The following PIGU variants were observed in gnomAD, a reference collection of about 807,000 sequenced individuals.
PIGU encodes the protein phosphatidylinositol glycan anchor biosynthesis class U.
Under a neutral mutation model 49.9 loss-of-function variants are expected in PIGU, and 24 were observed. That is an observed-to-expected ratio of 0.48 (90% CI 0.35 to 0.68). PIGU has a LOEUF of 0.68. Ranked by LOEUF, PIGU falls within the 30% of genes least tolerant of loss-of-function variation. The pLI is 0.01. For missense variants in PIGU, 490 were observed against 532.6 expected (o/e 0.92, Z 0.79); for synonymous variants, 220 against 205.7 (o/e 1.07, Z -0.59).
chr20:34,616,373 C>T (rs1220933593), intron 6 of PIGU, among the ~76,000 whole-genome samples: 1 of 152,170 alleles, frequency 6.6e-6, no homozygotes, highest in Non-Finnish European at 1.5e-5. Context: ...TGAGACACTA[C>T]AGGCATAATT....
At position 34,655,719 on chromosome 20, in the gene PIGU, G is replaced by A. The variant is rs1986679813; in HGVS notation, c.195+1461C>T. 1.6e-5 allele frequency among the ~76,000 whole-genome samples: 2 copies of A among 121,430 alleles called. 1 individual carries two copies. The highest frequency in any genetic ancestry group is 3.5e-5 in the Non-Finnish European group (2 of 56,726). The allele number at this position is 121,430 out of a possible 152,430, so 79.7% of individuals were successfully genotyped here. On this transcript the variant is annotated intron_variant, in intron 2 of 11. Coordinates refer to ENST00000217446, the MANE Select transcript of PIGU (RefSeq NM_080476.5). The stretch of plus-strand genomic sequence containing the variant: ...AAAGGGCAGTGGAAAGAAATGTGAT[G>A]GATGTGGTGAGGAGGGTCTTCAGGG...
intron 1 of PIGU, among the ~76,000 whole-genome samples, chr20:34,671,189 A>C (rs372543225): frequency 2.9e-4 from 44 of 152,352 alleles, no homozygotes; most frequent in Middle Eastern, 3.4e-3. Flanking sequence ...AAATTAGTGC[A>C]TTAACACACC....
intron 7 of PIGU, among the ~76,000 whole-genome samples, chr20:34,608,948 T>C (rs538079970): frequency 1.3e-5 from 2 of 152,240 alleles, no homozygotes; most frequent in South Asian, 2.1e-4. Context: ...AACTCAACTC[T>C]AAAGGGTCCA....
chr20:34,647,161 G>A (rs776671856), intron 2 of PIGU, among the ~76,000 whole-genome samples: 4 of 151,554 alleles, frequency 2.6e-5, no homozygotes, highest in Non-Finnish European at 4.4e-5. Flanking sequence ...AGTAGAGATG[G>A]GGTTTCTCCA....
chr20:34,666,525 A>ATTT (rs1568666733), intron 1 of PIGU, among the ~76,000 whole-genome samples: 13 of 146,016 alleles, frequency 8.9e-5, no homozygotes, highest in East Asian at 2.0e-4. Context: ...TTAATTAATT[A>ATTT]ATTTATTTAT....
rs78508854 is a variant in PIGU, at chr20:34,642,400, G to C, written c.318+1764C>G. ...AATTTTTTAAAGAATTTTTTGTAGAGACAGGGTCCCACTATATTGCCCAGG... is the reference window on the plus strand; with the variant it reads ...AATTTTTTAAAGAATTTTTTGTAGACACAGGGTCCCACTATATTGCCCAGG... On this transcript the variant is annotated intron_variant, in intron 4 of 11. Transcript: ENST00000217446. Among the ~76,000 whole-genome samples the C allele has an allele frequency of 1.3e-3, 197 of 151,966 alleles. 1 individual carries two copies. The highest frequency in any genetic ancestry group is 2.3e-3 in the Non-Finnish European group (157 of 67,960).
In PIGU at chr20:34,644,103, AT is replaced by A. The variant is rs561405562; in HGVS notation, c.318+60del. On this transcript the variant is annotated intron_variant, in intron 4 of 11. Transcript: ENST00000217446. ...GATCCTTAAGTATAAGATCTTTGTA[AT>A]AACAAAGACCAGAAGGTTACCAAAT... is the stretch of plus-strand genomic sequence containing the variant. The A allele has an allele frequency of 1.6e-3, 2,288 of 1,424,740 alleles. 42 individuals carry two copies. The African/African-American group carries it at 0.03, about 18-fold the overall frequency. 88.3% of individuals were successfully genotyped at this position (1,424,740 alleles called of 1,614,324 possible).
At chr20:34,647,607 A>G (rs887321376) in intron 2 of PIGU, among the ~76,000 whole-genome samples, 5 of 151,768 alleles carry the variant, frequency 3.3e-5, no homozygotes, top group African/African-American at 9.7e-5. Context: ...TAGTTTCACT[A>G]TGTTGGCCAG....
chr20:34,623,555 C>G (rs548011099), intron 6 of PIGU, among the ~76,000 whole-genome samples: 1 of 152,242 alleles, frequency 6.6e-6, no homozygotes, highest in East Asian at 1.9e-4. Flanking sequence ...GGTCACGAAA[C>G]TAGTGAATGA....
chr20:34,596,433 C>T (rs1984202088), intron 7 of PIGU, among the ~76,000 whole-genome samples: 1 of 152,100 alleles, frequency 6.6e-6, no homozygotes, highest in African/African-American at 2.4e-5. Flanking sequence ...GTTAATAATG[C>T]TGCATAAATA....
At chr20:34,656,534 G>A (rs576647494) in intron 2 of PIGU, among the ~76,000 whole-genome samples, 21 of 151,778 alleles carry the variant, frequency 1.4e-4, no homozygotes, top group South Asian at 2.1e-4. Context: ...CGCCCACTTC[G>A]GCCTCCCAAA....
intron 8 of PIGU, among the ~76,000 whole-genome samples, chr20:34,587,372 A>G (rs574841911): frequency 6.6e-6 from 1 of 152,322 alleles, no homozygotes; most frequent in East Asian, 1.9e-4. Context: ...AACTGACAAC[A>G]TATAGTTGTA....
chr20:34,604,958 C>T (rs182921965), intron 7 of PIGU, among the ~76,000 whole-genome samples: 1 of 152,108 alleles, frequency 6.6e-6, no homozygotes, highest in Non-Finnish European at 1.5e-5. Context: ...GAATCCCAAG[C>T]AAAAGGAAGA....
intron 10 of PIGU, among the ~76,000 whole-genome samples, chr20:34,575,612 C>G (rs1197349243): frequency 3.3e-5 from 5 of 152,150 alleles, no homozygotes; most frequent in African/African-American, 1.2e-4. Flanking sequence ...TCTCCCCAAG[C>G]AGGGTGCCAT....
chr20:34,673,179 G>A (rs188486614), intron 1 of PIGU, among the ~76,000 whole-genome samples: 11 of 150,958 alleles, frequency 7.3e-5, no homozygotes, highest in Admixed American at 4.6e-4. Flanking sequence ...GCGTAAACCC[G>A]GGAGGCGGAG....
At position 34,637,897 on chromosome 20, in the gene PIGU, A is replaced by T; in HGVS notation, c.407T>A (p.Ile136Asn). The T allele has an allele frequency of 1.9e-6, 3 of 1,610,916 alleles. No individual in the cohort carries two copies. Among genetic ancestry groups the T allele is most frequent in the Non-Finnish European group, 2.5e-6 (3 of 1,178,668 alleles). ...LIRTPMEMRYIPLKVALFYLL... is the reference protein window; with the variant it reads ...LIRTPMEMRYNPLKVALFYLL... Reference sequence around the variant, plus strand: ...TTACAACAGGGCCACTTTCAAAGGGATGTAACGCATTTCCATAGGGGTCCG... The same window carrying T: ...TTACAACAGGGCCACTTTCAAAGGGTTGTAACGCATTTCCATAGGGGTCCG... Residue 136 changes from isoleucine to asparagine, a missense_variant, in exon 5 of 12, where the codon ATC becomes AAC. Transcript: ENST00000217446.
At position 34,657,219 on chromosome 20, in the gene PIGU, G is replaced by A. The variant is rs755226683; in HGVS notation, c.156C>T (p.Asp52=). Residue 52 remains aspartate (D), a synonymous_variant, in exon 2 of 12, where the codon GAC becomes GAT. Coordinates refer to ENST00000217446, the MANE Select transcript of PIGU (RefSeq NM_080476.5). The part of the protein sequence containing the change: ...KRVVEGLSLL[D]LGVSPYSGAV... ...CTCCAGAATACGGAGATACTCCCAA[G>A]TCCAACAGTGAAAGGCCTTCAACCA... 6.2e-7 allele frequency: 1 copy of A among 1,613,004 alleles called. No individual in the cohort carries two copies. Among genetic ancestry groups the A allele is most frequent in the Non-Finnish European group, 8.5e-7 (1 of 1,179,002 alleles).
chr20:34,562,395 T>C, intron 11 of PIGU: 1 of 1,275,130 alleles, frequency 7.8e-7, no homozygotes, highest in Middle Eastern at 3.2e-4. Context: ...AAGCCTGGGA[T>C]CTAGACCTCC....
At chr20:34,645,430 C>G in intron 2 of PIGU, 96 bp from the exon 3 acceptor site, 11 of 1,377,526 alleles carry the variant, frequency 8.0e-6, no homozygotes, top group Non-Finnish European at 1.0e-5. Context: ...ATTATGTCAG[C>G]AAACTATTAT....
Sources: allele counts gnomAD v4.1 joint callset (sites outside exome capture counted in the v4.1 genomes callset), GRCh38; gene constraint gnomAD v4.1.1; transcripts MANE v1.5; gene names NCBI Gene and HGNC (gene_info 2026-07-23, HGNC 2026-07-21).